SNX31: variants seen among roughly 807,000 people sequenced by gnomAD.
The protein encoded by SNX31 is sorting nexin-31.
A neutral mutation model predicts 65.4 loss-of-function variants in SNX31; 58 were observed. The observed-to-expected ratio is 0.89, with a 90% CI of 0.72 to 1.10. SNX31 has a LOEUF of 1.10. Ranked by LOEUF, SNX31 falls within the 50% of genes least tolerant of loss-of-function variation. SNX31 has a pLI of 0.00. For synonymous variants in SNX31, 181 were observed against 190.1 expected (o/e 0.95, Z 0.39); for missense variants, 523 against 529.7 (o/e 0.99, Z 0.12).
intron 4 of SNX31, among the ~76,000 whole-genome samples, chr8:100,623,559 C>T (rs915309211): frequency 6.6e-6 from 1 of 152,170 alleles, no homozygotes; most frequent in Non-Finnish European, 1.5e-5. Flanking sequence ...GAGAAAACAG[C>T]AAGATGGGAA....
intron 11 of SNX31, among the ~76,000 whole-genome samples, chr8:100,584,551 A>G (rs1813854944): frequency 6.6e-6 from 1 of 152,072 alleles, no homozygotes; most frequent in Non-Finnish European, 1.5e-5. Context: ...TATTATTATA[A>G]TGAGATGAAC....
chr8:100,644,720 A>C (rs542098371), intron 2 of SNX31, among the ~76,000 whole-genome samples: 4 of 152,366 alleles, frequency 2.6e-5, no homozygotes, highest in African/African-American at 9.6e-5. Flanking sequence ...CCTGGAGTGC[A>C]GTGGTGGGAT....
chr8:100,581,241 G>C (rs1813475997), intron 12 of SNX31, among the ~76,000 whole-genome samples: 2 of 151,276 alleles, frequency 1.3e-5, no homozygotes, highest in Non-Finnish European at 1.5e-5. Context: ...TGAGGCTGCA[G>C]TGAGACATGA....
Position 100,622,238 on chromosome 8 carries a change from T to C in SNX31, c.322-4508A>G, listed in dbSNP as rs866710121. ...GATAAGCTCCTACAGAGCAGGATTATGTGGTGAGTTTATCTTGAAGAGTGC... is the reference window on the plus strand; with the variant it reads ...GATAAGCTCCTACAGAGCAGGATTACGTGGTGAGTTTATCTTGAAGAGTGC... On this transcript the variant is annotated intron_variant, in intron 4 of 13. Transcript: ENST00000311812. The surrounding 1 kb of genome is among the most constrained non-coding windows in gnomAD (Gnocchi z 5.0). 6.6e-5 allele frequency among the ~76,000 whole-genome samples: 10 copies of C among 152,312 alleles called. No homozygotes were observed. The highest frequency in any genetic ancestry group is 1.7e-4 in the African/African-American group (7 of 41,570).
At chr8:100,579,406 A>C (rs1285037717) in intron 12 of SNX31, among the ~76,000 whole-genome samples, 1 of 152,176 alleles carries the variant, frequency 6.6e-6, no homozygotes, top group Non-Finnish European at 1.5e-5. Flanking sequence ...TCATCAATAG[A>C]GTGGTTTCTG....
intron 4 of SNX31, chr8:100,619,158 G>C (rs963979102): frequency 2.0e-5 from 3 of 152,208 alleles, no homozygotes; most frequent in African/African-American, 7.2e-5. Flanking sequence ...AATGTTGAAA[G>C]GTGCTTGTTA....
At position 100,613,514 on chromosome 8, in the gene SNX31, A is replaced by T. The variant is rs1211112208; in HGVS notation, c.433-429T>A. Among the ~76,000 whole-genome samples, 1 of 152,148 alleles carries T rather than the reference A, an allele frequency of 6.6e-6. No homozygotes were observed. Among genetic ancestry groups the T allele is most frequent in the Non-Finnish European group, 1.5e-5 (1 of 68,038 alleles). ...TGCATTACCAGCTATTTGGAAAAGG[A>T]TCACTCCCCGCCGCTTGGCTGGCAT... On this transcript the variant is annotated intron_variant, in intron 5 of 13. Transcript: ENST00000311812. The surrounding 1 kb of genome is among the most constrained non-coding windows in gnomAD (Gnocchi z 5.2).
chr8:100,643,192 CA>C (rs1333504126), intron 2 of SNX31, among the ~76,000 whole-genome samples: 2 of 113,592 alleles, frequency 1.8e-5, no homozygotes, highest in Admixed American at 1.9e-4. Flanking sequence ...GACTCCGTCT[CA>C]AAAAAACAAA....
intron 8 of SNX31, among the ~76,000 whole-genome samples, chr8:100,602,779 G>C (rs1262693360): frequency 6.6e-6 from 1 of 152,114 alleles, no homozygotes; most frequent in African/African-American, 2.4e-5. Flanking sequence ...TTCATGTTCC[G>C]GGCCAGCAAG....
intron 10 of SNX31, among the ~76,000 whole-genome samples, chr8:100,590,326 C>T (rs555176997): frequency 1.3e-5 from 2 of 152,342 alleles, no homozygotes; most frequent in East Asian, 3.9e-4. Flanking sequence ...GGTGTGGTAG[C>T]TCATGCCTGT....
Position 100,660,555 on chromosome 8 carries a change from C to T in SNX31, c.-58+2587G>A, listed in dbSNP as rs1054578337. Among the ~76,000 whole-genome samples the T allele has an allele frequency of 2.6e-5, 4 of 152,172 alleles. No homozygotes were observed. Among genetic ancestry groups the T allele is most frequent in the African/African-American group, 4.8e-5 (2 of 41,434 alleles). On this transcript the variant is annotated intron_variant, in intron 1 of 5. Transcript: ENST00000520352. This position sits in a 1 kb window ranked among gnomAD's most constrained non-coding sequence, Gnocchi z 4.1. ...CCAGGTCCTGCAATGTCACTCAGCA[C>T]GGGGCTCTAACTCAAGTGGCAGGCG...
At chr8:100,628,755 T>G (rs909938243) in intron 4 of SNX31, among the ~76,000 whole-genome samples, 1 of 152,060 alleles carries the variant, frequency 6.6e-6, no homozygotes, top group Admixed American at 6.6e-5. Context: ...ATAAAATTTT[T>G]TTAAAAAAGC....
intron 8 of SNX31, among the ~76,000 whole-genome samples, chr8:100,606,478 T>A (rs1816171039): frequency 6.6e-6 from 1 of 152,172 alleles, no homozygotes; most frequent in Admixed American, 6.6e-5. Context: ...AGCTTTAGGG[T>A]CTTGATCTCT....
Position 100,600,279 on chromosome 8 carries a change from A to C in SNX31, c.774+70T>G, listed in dbSNP as rs1249710380. On this transcript the variant is annotated intron_variant, in intron 9 of 13. Transcript: ENST00000311812. ...CTTGGTAGGTTTATCAGTTACAGAAACAGTTCAATTCTAATATGTTTCTTT... is the reference window on the plus strand; with the variant it reads ...CTTGGTAGGTTTATCAGTTACAGAACCAGTTCAATTCTAATATGTTTCTTT... 4 of 1,334,852 alleles carry C rather than the reference A, an allele frequency of 3.0e-6. No individual in the cohort carries two copies. The African/African-American group carries it at 5.8e-5, about 19-fold the overall frequency. 82.7% of individuals were successfully genotyped at this position (1,334,852 alleles called of 1,614,324 possible).
rs1355255821 is a variant in SNX31 at position 100,575,725 on chromosome 8, GGGACC to G, written c.1227+1289_1227+1293del. On this transcript the variant is annotated intron_variant, in intron 13 of 13. Transcript: ENST00000311812. This position sits in a 1 kb window ranked among gnomAD's most constrained non-coding sequence, Gnocchi z 5.1. ...ACGTGATACAGATGCTGTTGGTCCA[GGGACC>G]ACACACTGAGAACTGGTGTTCTAGG... Among the ~76,000 whole-genome samples, 1 of 152,168 alleles carries G rather than the reference GGGACC, an allele frequency of 6.6e-6. No homozygotes were observed. Among genetic ancestry groups the G allele is most frequent in the Non-Finnish European group, 1.5e-5 (1 of 68,034 alleles).
In SNX31 at chr8:100,629,632, TATC is replaced by T. The variant is rs1212733969; in HGVS notation, c.321+692_321+694del. 2.0e-5 allele frequency among the ~76,000 whole-genome samples: 3 copies of T among 152,256 alleles called. No homozygotes were observed. The highest frequency in any genetic ancestry group is 7.2e-5 in the African/African-American group (3 of 41,468). Reference sequence around the variant, plus strand: ...CCTGGCTAAGGATCCAGTTAACTAGTATCATATTACTGCGGAACTTAAATTCTT... The same window carrying T: ...CCTGGCTAAGGATCCAGTTAACTAGTATATTACTGCGGAACTTAAATTCTT... On this transcript the variant is annotated intron_variant, in intron 4 of 13. Coordinates refer to ENST00000311812, the MANE Select transcript of SNX31 (RefSeq NM_152628.4). This position sits in a 1 kb window ranked among gnomAD's most constrained non-coding sequence, Gnocchi z 5.1.
At chr8:100,592,571 CA>C (rs957904399) in intron 10 of SNX31, among the ~76,000 whole-genome samples, 1 of 152,102 alleles carries the variant, frequency 6.6e-6, no homozygotes, top group African/African-American at 2.4e-5. Context: ...GGCAGTTCCT[CA>C]AAAAGTTAAA....
intron 8 of SNX31, among the ~76,000 whole-genome samples, chr8:100,607,683 A>G (rs1282413699): frequency 6.6e-6 from 1 of 152,248 alleles, no homozygotes; most frequent in African/African-American, 2.4e-5. Context: ...AACGTAAAGG[A>G]TAAATGCTTG....
rs141500187 is a variant in SNX31, at chr8:100,625,555, G to A, written c.321+4772C>T. ...AGTGTTAAGGTTCTGGGAAGTGACT[G>A]TTACCTCTGTCCTGCCCTCTCTTTA... On this transcript the variant is annotated intron_variant, in intron 4 of 13. Transcript: ENST00000311812. This position sits in a 1 kb window ranked among gnomAD's most constrained non-coding sequence, Gnocchi z 4.2. 9.8e-4 allele frequency among the ~76,000 whole-genome samples: 150 copies of A among 152,304 alleles called. 2 individuals carry two copies. In the East Asian group the frequency reaches 0.026, roughly 26 times the overall value.
Sources: allele counts gnomAD v4.1 joint callset (sites outside exome capture counted in the v4.1 genomes callset), GRCh38; gene constraint gnomAD v4.1.1; non-coding constraint Gnocchi (gnomAD v3.1); transcripts MANE v1.5; gene names NCBI Gene and HGNC (gene_info 2026-07-23, HGNC 2026-07-21).